The following EED variants were observed in gnomAD, a reference collection of about 807,000 sequenced individuals.
EED encodes the protein polycomb protein EED.
Under a neutral mutation model 61.0 loss-of-function variants are expected in EED, and 9 were observed. The observed-to-expected ratio is 0.15, with a 90% CI of 0.09 to 0.26. EED has a LOEUF of 0.26. EED is among the 10% of genes least tolerant of loss of function. The pLI is 1.00. For synonymous variants in EED, 187 were observed against 174.4 expected (o/e 1.07, Z -0.57); for missense variants, 315 against 542.3 (o/e 0.58, Z 4.16).
downstream of EED, among the ~76,000 whole-genome samples, chr11:86,279,479 T>A (rs1440483941): frequency 6.6e-6 from 1 of 152,150 alleles, no homozygotes; most frequent in Admixed American, 6.5e-5. Flanking sequence ...CTGCATTTAT[T>A]TGTGGGCAAA....
rs374892814 is a variant in EED at position 86,257,340 on chromosome 11, CT to C, written c.553-157del. Among the ~76,000 whole-genome samples the C allele has an allele frequency of 0.091, 9,280 of 101,744 alleles. 507 individuals carry two copies. Among genetic ancestry groups the C allele is most frequent in the African/African-American group, 0.18 (5,292 of 29,028 alleles). 66.7% of individuals were successfully genotyped at this position (101,744 alleles called of 152,430 possible). A position where few individuals can be genotyped will look rare whatever the true frequency, so the allele number is the denominator to read the frequency against. On this transcript the variant is annotated intron_variant, in intron 5 of 11. Coordinates refer to ENST00000263360, the MANE Select transcript of EED (RefSeq NM_003797.5). ...ATGAGCCACCCACTGTGCCTGGGGT[CT>C]TTTTTTTTTTTTTTTTTCCTTTTCA...
rs149703831 is a variant in EED, at chr11:86,278,474, T to C, written c.1275T>C (p.Leu425=). 7.3e-5 allele frequency: 117 copies of C among 1,613,700 alleles called. 1 individual carries two copies. The African/African-American group carries it at 1.2e-3, about 16-fold the overall frequency. Residue 425 remains leucine, a synonymous_variant, in exon 12 of 12, where the codon CTT becomes CTC. Transcript: ENST00000263360. ...GTTTTAGCAGGGATAGCAGCATTCT[T>C]ATAGCTGTTTGTGATGATGCCAGTA... ...QTSFSRDSSI[L]IAVCDDASIW...
At chr11:86,252,102 T>C in intron 2 of EED, 46 bp from the exon 3 acceptor site, 1 of 1,504,706 alleles carries the variant, frequency 6.6e-7, no homozygotes, top group South Asian at 1.2e-5. Flanking sequence ...CATTTTCTGG[T>C]TTGTAAGATA....
At chr11:86,274,758 A>G (rs75595217) in intron 9 of EED, among the ~76,000 whole-genome samples, 4,753 of 152,248 alleles carry the variant, frequency 0.031, 238 homozygotes, top group African/African-American at 0.11. Flanking sequence ...ATGGTTATGA[A>G]TGTCCTAACT....
chr11:86,286,047 T>G, the EED span, among the ~76,000 whole-genome samples: 1 of 151,594 alleles, frequency 6.6e-6, no homozygotes, highest in Admixed American at 6.6e-5. Context: ...CCACTTTTAT[T>G]TGAGACAGAG....
At chr11:86,252,601 T>C (rs528928238) in intron 3 of EED, among the ~76,000 whole-genome samples, 2 of 152,128 alleles carry the variant, frequency 1.3e-5, no homozygotes, top group Non-Finnish European at 2.9e-5. Context: ...GTGATTTTTT[T>C]AAAATTAAGG....
downstream of EED, among the ~76,000 whole-genome samples, chr11:86,283,656 A>G (rs1445994656): frequency 6.6e-6 from 1 of 152,214 alleles, no homozygotes; most frequent in Non-Finnish European, 1.5e-5. Flanking sequence ...TACAAATGAA[A>G]AATACATTTG....
At chr11:86,268,309 G>C in intron 8 of EED, 147 bp from the exon 9 acceptor site, 1 of 511,240 alleles carries the variant, frequency 2.0e-6, no homozygotes, top group Non-Finnish European at 3.4e-6. Flanking sequence ...TCAATAAATA[G>C]ATAAGGTGGT....
intron 6 of EED, among the ~76,000 whole-genome samples, chr11:86,263,509 GATTA>G (rs766208618): frequency 1.3e-5 from 2 of 152,140 alleles, no homozygotes; most frequent in East Asian, 3.8e-4. Flanking sequence ...CTGACTGATG[GATTA>G]ATTAATTTCT....
At chr11:86,279,121 T>A (rs1048011063), downstream of EED, among the ~76,000 whole-genome samples, 17 of 152,270 alleles carry the variant, frequency 1.1e-4, no homozygotes, top group African/African-American at 3.9e-4. Context: ...TTATATTTTT[T>A]AATGATTTCT....
In EED at chr11:86,245,259, G is replaced by C. The variant is rs1287992691; in HGVS notation, c.30G>C (p.Pro10=). MSEREVSTA[P]AGTDMPAAKK... ...CCGAGAGGGAAGTGTCGACTGCGCC[G>C]GCGGGAACAGACATGCCTGCGGCCA... The change falls in exon 1 of 12, where the codon CCG becomes CCC. Residue 10 remains proline, a synonymous_variant. Coordinates refer to ENST00000263360, the MANE Select transcript of EED (RefSeq NM_003797.5). 6.2e-7 allele frequency: 1 copy of C among 1,613,330 alleles called. No individual in the cohort carries two copies. The highest frequency in any genetic ancestry group is 1.7e-5 in the Admixed American group (1 of 59,934).
intron 6 of EED, among the ~76,000 whole-genome samples, chr11:86,261,522 T>TG (rs1945827432): frequency 6.6e-6 from 1 of 152,328 alleles, no homozygotes; most frequent in African/African-American, 2.4e-5. Flanking sequence ...TTCTGGGATT[T>TG]GGGGGATGGC....
chr11:86,264,485 C>T (rs1007811142), intron 7 of EED: 10 of 358,552 alleles, frequency 2.8e-5, no homozygotes, highest in African/African-American at 1.9e-4. Context: ...TATACCAATC[C>T]CTGGAGTCTT....
At chr11:86,264,346 G>C (rs1945918878) in intron 7 of EED, 83 bp downstream of exon 7, 1 of 992,370 alleles carries the variant, frequency 1.0e-6, no homozygotes, top group Non-Finnish European at 1.5e-6. Context: ...TTATAAGAAA[G>C]TGTGTTTCAT....
intron 6 of EED, among the ~76,000 whole-genome samples, chr11:86,260,621 T>A (rs1005294187): frequency 4.6e-5 from 7 of 152,240 alleles, no homozygotes. Context: ...ATGATATATG[T>A]AGTTATGTTT....
At position 86,250,289 on chromosome 11, in the gene EED, C is replaced by T; in HGVS notation, c.115-7C>T. On this transcript the variant is annotated splice_polypyrimidine_tract_variant and splice_region_variant and intron_variant, in intron 1 of 11. Transcript: ENST00000263360. ...TCATGTAATTTTTCCTCATTTACTGCTTACAGGATGACGCTGTCAGTATAG... is the reference window on the plus strand; with the variant it reads ...TCATGTAATTTTTCCTCATTTACTGTTTACAGGATGACGCTGTCAGTATAG... 1 of 1,515,782 alleles carries T rather than the reference C, an allele frequency of 6.6e-7. No individual in the cohort carries two copies. Among genetic ancestry groups the T allele is most frequent in the Non-Finnish European group, 8.8e-7 (1 of 1,133,376 alleles). The allele number at this position is 1,515,782 out of a possible 1,614,324, so 93.9% of individuals were successfully genotyped here.
chr11:86,257,215 G>GTA (rs1945701009), intron 5 of EED, among the ~76,000 whole-genome samples: 2 of 149,232 alleles, frequency 1.3e-5, no homozygotes, highest in African/African-American at 2.5e-5. Flanking sequence ...GTGTGTGTGT[G>GTA]TGTATGAAGA....
At chr11:86,255,462 T>C (rs1449135016) in intron 4 of EED, among the ~76,000 whole-genome samples, 175 bp downstream of exon 4, 2 of 152,168 alleles carry the variant, frequency 1.3e-5, no homozygotes, top group Admixed American at 6.5e-5. Flanking sequence ...AGAAATCCAT[T>C]GTGGTATGTG....
chr11:86,254,668 G>C (rs1945624380), intron 3 of EED, among the ~76,000 whole-genome samples: 1 of 151,664 alleles, frequency 6.6e-6, no homozygotes. Context: ...TTGTTGCCAG[G>C]CTGGAGTGCA....
Sources: gnomAD v4.1 joint callset for allele counts (sites outside exome capture counted in the v4.1 genomes callset) on GRCh38, gnomAD v4.1.1 for gene constraint, MANE v1.5 for transcripts, NCBI Gene and HGNC (gene_info 2026-07-23, HGNC 2026-07-21) for gene names.